DPYD: variants seen among roughly 807,000 people sequenced by gnomAD.
The protein encoded by DPYD is dihydropyrimidine dehydrogenase [NADP(+)].
DPYD carries 109 observed loss-of-function variants against 116.2 expected under a neutral mutation model. That is an observed-to-expected ratio of 0.94 (90% CI 0.80 to 1.10). DPYD has a LOEUF of 1.10. Among genes scored for constraint, DPYD ranks in the 50% least tolerant of loss-of-function variants. The probability of loss-of-function intolerance (pLI) is 0.00; values close to 1 mark genes in which losing one functional copy is unlikely to be tolerated. For synonymous variants in DPYD, 440 were observed against 432.0 expected, an observed-to-expected ratio of 1.02 and a Z score of -0.23; for missense variants, 1,302 against 1,254.5, an observed-to-expected ratio of 1.04 and a Z score of -0.57.
intron 4 of DPYD, among the ~76,000 whole-genome samples, chr1:97,737,226 G>A (rs1664013367): frequency 6.6e-6 from 1 of 152,064 alleles, no homozygotes; most frequent in South Asian, 2.1e-4. Context: ...TCTTATGGCA[G>A]ATAGATAAGT....
chr1:97,280,283 T>G (rs934370159), intron 18 of DPYD: 1 of 151,830 alleles, frequency 6.6e-6, no homozygotes, highest in Non-Finnish European at 1.5e-5. Context: ...GCAGAAGATA[T>G]AGAGATTTAT....
chr1:97,326,854 CGT>C (rs1157717710), intron 16 of DPYD, among the ~76,000 whole-genome samples: 1 of 151,618 alleles, frequency 6.6e-6, no homozygotes, highest in African/African-American at 2.4e-5. Context: ...ACATAAAATA[CGT>C]ATAAAACAAA....
chr1:97,760,036 G>A (rs922272773), intron 3 of DPYD, among the ~76,000 whole-genome samples: 6 of 152,110 alleles, frequency 3.9e-5, no homozygotes, highest in South Asian at 2.1e-4. Context: ...CTTAAAGAAC[G>A]ATGTCTTCAA....
In DPYD at chr1:97,282,995, G is replaced by T. The variant is rs575932444; in HGVS notation, c.2299+22264C>A. Reference sequence around the variant, plus strand: ...GCATCTAGGCTGGTTCCATGTCTTTGCTATTGTGAATAGTGCTGTGATGAA... The same window carrying T: ...GCATCTAGGCTGGTTCCATGTCTTTTCTATTGTGAATAGTGCTGTGATGAA... On this transcript the variant is annotated intron_variant, in intron 18 of 22. Coordinates refer to ENST00000370192, the MANE Select transcript of DPYD (RefSeq NM_000110.4). 9.9e-5 allele frequency among the ~76,000 whole-genome samples: 15 copies of T among 152,140 alleles called. No individual in the cohort carries two copies. In the East Asian group the frequency reaches 2.9e-3, roughly 29 times the overall value.
chr1:97,318,457 A>G (rs1204014268), intron 16 of DPYD, among the ~76,000 whole-genome samples: 1 of 151,720 alleles, frequency 6.6e-6, no homozygotes, highest in Non-Finnish European at 1.5e-5. Context: ...CAGATTGTAA[A>G]CCAACAAAGA....
intron 8 of DPYD, among the ~76,000 whole-genome samples, chr1:97,644,619 G>GT (rs373133269): frequency 0.032 from 4,460 of 139,204 alleles, 174 homozygotes; most frequent in African/African-American, 0.1. Context: ...TTTTGTTTTT[G>GT]TTTTTTTTTT....
At chr1:97,079,309 GA>G (rs1021309026) in intron 22 of DPYD, among the ~76,000 whole-genome samples, 163 bp from the exon 23 acceptor site, 27 of 151,988 alleles carry the variant, frequency 1.8e-4, no homozygotes, top group African/African-American at 6.3e-4. Context: ...GACAGAGGAG[GA>G]AAAAAAGAGC....
At chr1:97,600,238 C>T (rs945475384) in intron 8 of DPYD, among the ~76,000 whole-genome samples, 3 of 152,064 alleles carry the variant, frequency 2.0e-5, no homozygotes, top group Non-Finnish European at 4.4e-5. Flanking sequence ...TGGCAAATAC[C>T]GTAAGTTTTT....
chr1:97,526,455 C>T lies in DPYD; in HGVS notation c.1525-10514G>A, dbSNP rs559422614. Among the ~76,000 whole-genome samples, 41 of 152,190 alleles carry T rather than the reference C, an allele frequency of 2.7e-4. 2 individuals carry two copies. Among genetic ancestry groups the T allele is most frequent in the African/African-American group, 9.6e-4 (40 of 41,520 alleles). ...AAAATTATGATGTCCAGGCCAGGTACCTTCCTACTAATTATATCAGAATCC... is the reference window on the plus strand; with the variant it reads ...AAAATTATGATGTCCAGGCCAGGTATCTTCCTACTAATTATATCAGAATCC... On this transcript the variant is annotated intron_variant, in intron 12 of 22. Coordinates refer to ENST00000370192, the MANE Select transcript of DPYD (RefSeq NM_000110.4).
intron 2 of DPYD, among the ~76,000 whole-genome samples, chr1:97,880,237 C>T (rs1285421899): frequency 6.6e-6 from 1 of 151,484 alleles, no homozygotes; most frequent in Non-Finnish European, 1.5e-5. Flanking sequence ...GAGAAATAAT[C>T]AACAAAGAAG....
At chr1:97,686,636 CA>C (rs1159274157) in intron 7 of DPYD, among the ~76,000 whole-genome samples, 418 of 10,042 alleles carry the variant, frequency 0.042, no homozygotes, top group East Asian at 0.16. Context: ...GACTCTGTCT[CA>C]AAAAAAAAAA....
chr1:97,844,869 A>G (rs1670215838), intron 2 of DPYD, among the ~76,000 whole-genome samples: 1 of 152,096 alleles, frequency 6.6e-6, no homozygotes, highest in Admixed American at 6.5e-5. Context: ...GTCTCTCCCC[A>G]CCCAGGCACC....
intron 3 of DPYD, among the ~76,000 whole-genome samples, chr1:97,821,331 C>CAAAAAAAA (rs35940342): frequency 8.8e-6 from 1 of 113,848 alleles, no homozygotes; most frequent in East Asian, 2.4e-4. Context: ...AACTCCACCT[C>CAAAAAAAA]AAAAAAAAAA....
At chr1:97,574,356 T>C (rs1300460824) in intron 10 of DPYD, among the ~76,000 whole-genome samples, 1 of 152,136 alleles carries the variant, frequency 6.6e-6, no homozygotes, top group Non-Finnish European at 1.5e-5. Context: ...CTTCTGTTTA[T>C]TACCAGGTTG....
intron 2 of DPYD, among the ~76,000 whole-genome samples, chr1:97,835,408 A>AG (rs1444756786): frequency 6.6e-6 from 1 of 152,102 alleles, no homozygotes; most frequent in Non-Finnish European, 1.5e-5. Context: ...TAAAAGATAG[A>AG]ATGAATCTCA....
chr1:97,501,140 T>C (rs1382393494), intron 13 of DPYD, among the ~76,000 whole-genome samples: 1 of 151,982 alleles, frequency 6.6e-6, no homozygotes, highest in Non-Finnish European at 1.5e-5. Flanking sequence ...TGGGTAATAT[T>C]ATATAACAAA....
chr1:97,194,090 A>G (rs1658578202), intron 19 of DPYD, among the ~76,000 whole-genome samples: 1 of 152,212 alleles, frequency 6.6e-6, no homozygotes, highest in Non-Finnish European at 1.5e-5. Flanking sequence ...TATTATCTGC[A>G]GTGACTAGGA....
At chr1:97,816,414 C>T (rs550067137) in intron 3 of DPYD, among the ~76,000 whole-genome samples, 2 of 152,122 alleles carry the variant, frequency 1.3e-5, no homozygotes, top group African/African-American at 4.8e-5. Flanking sequence ...TAGATAATTC[C>T]ATGGGTATAA....
intron 12 of DPYD, among the ~76,000 whole-genome samples, chr1:97,527,091 T>C (rs950445534): frequency 1.3e-5 from 2 of 152,034 alleles, no homozygotes; most frequent in Non-Finnish European, 2.9e-5. Flanking sequence ...TTTTTTCTTT[T>C]TTTTTGAGAC....
Sources: gnomAD v4.1 joint callset for allele counts (sites outside exome capture counted in the v4.1 genomes callset) on GRCh38, gnomAD v4.1.1 for gene constraint, MANE v1.5 for transcripts, NCBI Gene and HGNC (gene_info 2026-07-23, HGNC 2026-07-21) for gene names.